ASTN1: variants seen among roughly 807,000 people sequenced by gnomAD.
The protein encoded by ASTN1 is astrotactin-1.
Under a neutral mutation model 140.7 loss-of-function variants are expected in ASTN1, and 41 were observed. That is an observed-to-expected ratio of 0.29 (90% CI 0.23 to 0.38). ASTN1 has a LOEUF of 0.38. Ranked by LOEUF, ASTN1 falls within the 10% of genes least tolerant of loss-of-function variation. The pLI, the probability that ASTN1 is intolerant of heterozygous loss-of-function variation, is 1.00. For synonymous variants in ASTN1, 640 were observed against 652.2 expected (o/e 0.98, Z 0.29); for missense variants, 1,479 against 1,678.8 (o/e 0.88, Z 2.08).
chr1:177,015,478 G>A (rs1381169815), intron 7 of ASTN1, among the ~76,000 whole-genome samples: 1 of 152,040 alleles, frequency 6.6e-6, no homozygotes, highest in African/African-American at 2.4e-5. Context: ...ATGCACAGGA[G>A]GCCTCTTACA....
In ASTN1 at chr1:177,060,708, C is replaced by T. The variant is rs112004381; in HGVS notation, c.471+370G>A. On this transcript the variant is annotated intron_variant, in intron 2 of 22. Transcript: ENST00000361833. ...TAGAGATGGGGTTTCACCATGTTGG[C>T]TAGGCTGGTCTTGAACTCCTGGCCT... 2.0e-5 allele frequency among the ~76,000 whole-genome samples: 3 copies of T among 152,276 alleles called. 1 individual carries two copies. The highest frequency in any genetic ancestry group is 7.2e-5 in the African/African-American group (3 of 41,562).
intron 1 of ASTN1, among the ~76,000 whole-genome samples, chr1:177,067,392 T>C (rs533369928): frequency 6.6e-6 from 1 of 152,140 alleles, no homozygotes; most frequent in Non-Finnish European, 1.5e-5. Flanking sequence ...TGTCAAACAC[T>C]AAGAATAACA....
At chr1:176,912,545 T>C (rs757725442) in intron 16 of ASTN1, among the ~76,000 whole-genome samples, 1 of 152,168 alleles carries the variant, frequency 6.6e-6, no homozygotes, top group Non-Finnish European at 1.5e-5. Flanking sequence ...TAAAAATAAA[T>C]GCTTTAGTAT....
intron 1 of ASTN1, among the ~76,000 whole-genome samples, chr1:177,081,509 G>A (rs1571755151): frequency 6.6e-6 from 1 of 152,282 alleles, no homozygotes; most frequent in East Asian, 1.9e-4. Flanking sequence ...TAAGAAGAAA[G>A]CATCAGGAGA....
intron 1 of ASTN1, among the ~76,000 whole-genome samples, chr1:177,141,077 G>GT (rs1465417831): frequency 6.6e-6 from 1 of 152,014 alleles, no homozygotes; most frequent in African/African-American, 2.4e-5. Flanking sequence ...TTAGCCGGAC[G>GT]TGGTGGCAGG....
intron 9 of ASTN1, among the ~76,000 whole-genome samples, chr1:176,962,421 A>G (rs941635762): frequency 1.3e-5 from 2 of 152,214 alleles, no homozygotes; most frequent in African/African-American, 4.8e-5. Flanking sequence ...TGAAATGATT[A>G]TCTACATATA....
chr1:176,913,653 T>A (rs1301762286), intron 16 of ASTN1, among the ~76,000 whole-genome samples: 1 of 152,202 alleles, frequency 6.6e-6, no homozygotes, highest in African/African-American at 2.4e-5. Flanking sequence ...GGGAAGCCAT[T>A]GAATTTGGAA....
chr1:176,866,950 T>C (rs1448046104), intron 22 of ASTN1, among the ~76,000 whole-genome samples: 1 of 152,218 alleles, frequency 6.6e-6, no homozygotes, highest in Non-Finnish European at 1.5e-5. Flanking sequence ...CTGAGATCCA[T>C]GACACTAAAC....
chr1:177,145,177 G>C (rs529947942), intron 1 of ASTN1, among the ~76,000 whole-genome samples: 1 of 152,230 alleles, frequency 6.6e-6, no homozygotes, highest in African/African-American at 2.4e-5. Context: ...GGTAAATGAA[G>C]GTAAAAACAT....
At chr1:176,941,991 C>T (rs770642213) in intron 14 of ASTN1, among the ~76,000 whole-genome samples, 9 of 152,016 alleles carry the variant, frequency 5.9e-5, no homozygotes, top group South Asian at 2.1e-4. Context: ...TGTGCATGTG[C>T]GCGTGTGCAT....
intron 2 of ASTN1, among the ~76,000 whole-genome samples, chr1:177,048,639 C>T (rs1435711355): frequency 1.3e-5 from 2 of 152,198 alleles, no homozygotes. Context: ...GGAGATTTCC[C>T]CTTCCCAAAT....
intron 13 of ASTN1, among the ~76,000 whole-genome samples, chr1:176,945,250 T>G (rs1235281371): frequency 1.3e-5 from 2 of 152,146 alleles, no homozygotes; most frequent in East Asian, 3.8e-4. Flanking sequence ...TTTATTATAT[T>G]TATATAAAAA....
At chr1:176,978,829 G>A (rs453778) in intron 8 of ASTN1, among the ~76,000 whole-genome samples, 12,520 of 152,210 alleles carry the variant, frequency 0.082, 1,607 homozygotes, top group African/African-American at 0.27. Context: ...AGCAAGTCCA[G>A]TGACTGATCA....
chr1:176,914,641 C>T (rs932090774), intron 16 of ASTN1, among the ~76,000 whole-genome samples: 8 of 152,124 alleles, frequency 5.3e-5, no homozygotes, highest in African/African-American at 1.9e-4. Context: ...ACAGGAATGG[C>T]ACTAAACCGA....
intron 3 of ASTN1, among the ~76,000 whole-genome samples, chr1:177,032,049 A>G (rs1472423834): frequency 6.6e-6 from 1 of 152,204 alleles, no homozygotes; most frequent in Non-Finnish European, 1.5e-5. Context: ...AGCAGATACC[A>G]CTGTCCCCTC....
intron 1 of ASTN1, among the ~76,000 whole-genome samples, chr1:177,135,197 A>C (rs1198325595): frequency 2.6e-5 from 4 of 152,106 alleles, no homozygotes; most frequent in Admixed American, 1.3e-4. Context: ...TCATCACATC[A>C]GTAGTGGCCC....
intron 16 of ASTN1, among the ~76,000 whole-genome samples, chr1:176,922,017 G>T (rs1382640663): frequency 6.6e-6 from 1 of 152,216 alleles, no homozygotes; most frequent in Non-Finnish European, 1.5e-5. Context: ...CATTGCAGAA[G>T]ATGGGGTAGG....
chr1:177,035,675 G>C (rs147140127), intron 2 of ASTN1, among the ~76,000 whole-genome samples: 3 of 152,098 alleles, frequency 2.0e-5, no homozygotes, highest in African/African-American at 4.8e-5. Context: ...TTCAACTTAG[G>C]GACCCATTGC....
intron 22 of ASTN1, among the ~76,000 whole-genome samples, chr1:176,867,916 TC>T (rs1375872368): frequency 7.5e-6 from 1 of 132,826 alleles, no homozygotes; most frequent in Non-Finnish European, 1.7e-5. Context: ...TTGATTTTCT[TC>T]ATTTCCTTCC....
Sources: allele counts gnomAD v4.1 joint callset (sites outside exome capture counted in the v4.1 genomes callset), GRCh38; gene constraint gnomAD v4.1.1; transcripts MANE v1.5; gene names NCBI Gene and HGNC (gene_info 2026-07-23, HGNC 2026-07-21).